Variants in PLEKHA6 observed in about 807,000 individuals in gnomAD.
PLEKHA6 encodes the protein pleckstrin homology domain containing A6.
A neutral mutation model predicts 116.7 loss-of-function variants in PLEKHA6; 60 were observed. That is an observed-to-expected ratio of 0.51 (90% CI 0.42 to 0.64). The LOEUF (loss-of-function observed/expected upper bound fraction) is 0.64, where lower values mean the gene tolerates loss of function less well. Ranked by LOEUF, PLEKHA6 falls within the 30% of genes least tolerant of loss-of-function variation. PLEKHA6 has a pLI of 0.00. For synonymous variants in PLEKHA6, 489 were observed against 556.1 expected (o/e 0.88, Z 1.70); for missense variants, 1,338 against 1,422.7 (o/e 0.94, Z 0.96).
chr1:204,305,485 GA>G (rs1427436444), intron 1 of PLEKHA6, among the ~76,000 whole-genome samples: 1 of 152,130 alleles, frequency 6.6e-6, no homozygotes, highest in African/African-American at 2.4e-5. Context: ...AGAGACCCTT[GA>G]AGGCAGATCC....
intron 1 of PLEKHA6, among the ~76,000 whole-genome samples, chr1:204,294,955 C>T (rs1229363959): frequency 6.6e-6 from 1 of 152,218 alleles, no homozygotes; most frequent in Non-Finnish European, 1.5e-5. Context: ...AAACCCCTCA[C>T]CACTTTGACA....
At chr1:204,236,520 C>T (rs748773710) in intron 17 of PLEKHA6, among the ~76,000 whole-genome samples, 1 of 152,112 alleles carries the variant, frequency 6.6e-6, no homozygotes, top group Non-Finnish European at 1.5e-5. Context: ...TCAGATCTAA[C>T]GGTGGGAACT....
chr1:204,279,213 G>A (rs1668339134), intron 1 of PLEKHA6, among the ~76,000 whole-genome samples: 1 of 152,186 alleles, frequency 6.6e-6, no homozygotes, highest in South Asian at 2.1e-4. Context: ...GCCTCCCACA[G>A]CCTTTGCTTA....
chr1:204,239,458 C>G lies in PLEKHA6; in HGVS notation c.2409+1917G>C, dbSNP rs1457331953. ...AGGTTTGTCCTCACTGGAATAGACA[C>G]TCACTCCAGATATGGGTTTGCCTAT... On this transcript the variant is annotated intron_variant, in intron 17 of 22. Coordinates refer to ENST00000272203, the MANE Select transcript of PLEKHA6 (RefSeq NM_014935.5). Among the ~76,000 whole-genome samples, 3 of 152,354 alleles carry G rather than the reference C, an allele frequency of 2.0e-5. No homozygotes were observed. In the East Asian group the frequency reaches 5.8e-4, roughly 29 times the overall value.
chr1:204,279,640 A>G (rs540122414), intron 1 of PLEKHA6, among the ~76,000 whole-genome samples: 14 of 152,286 alleles, frequency 9.2e-5, no homozygotes, highest in Admixed American at 2.0e-4. Flanking sequence ...TGTGCGGTGG[A>G]GGTAGAAACA....
Position 204,257,551 on chromosome 1 carries a change from G to A in PLEKHA6, c.1326C>T (p.Ser442=). The A allele has an allele frequency of 1.9e-6, 3 of 1,598,332 alleles. No homozygotes were observed. Among genetic ancestry groups the A allele is most frequent in the Non-Finnish European group, 2.6e-6 (3 of 1,171,514 alleles). ...GCTGCAGGGACAGGCGGCGCAGGGA[G>A]CTAGAGGCGGCATCCAGCTCATCAT... ...VYYDELDAAS[S]SLRRLSLQPR... Residue 442 remains serine, a synonymous_variant, in exon 9 of 23, where the codon AGC becomes AGT. Coordinates refer to ENST00000272203, the MANE Select transcript of PLEKHA6 (RefSeq NM_014935.5). The surrounding 1 kb of genome is among the most constrained non-coding windows in gnomAD (Gnocchi z 6.5).
At position 204,230,612 on chromosome 1, in the gene PLEKHA6, T is replaced by C. The variant is rs1487924318; in HGVS notation, c.2410-26A>G. The stretch of plus-strand genomic sequence containing the variant: ...CTGCTGCCATGGGAAAACAGGGCTC[T>C]GACAAGTGCCTTATCCCCCACCCAG... On this transcript the variant is annotated intron_variant, in intron 17 of 22. Coordinates refer to ENST00000272203, the MANE Select transcript of PLEKHA6 (RefSeq NM_014935.5). The C allele has an allele frequency of 3.8e-6, 6 of 1,576,410 alleles. No homozygotes were observed. The East Asian group carries it at 1.4e-4, about 36-fold the overall frequency.
intron 1 of PLEKHA6, among the ~76,000 whole-genome samples, chr1:204,285,437 G>C (rs766990621): frequency 1.4e-4 from 21 of 151,508 alleles, no homozygotes; most frequent in Non-Finnish European, 2.5e-4. Context: ...TGGGTTTTTT[G>C]TTGTTTTTGT....
intron 10 of PLEKHA6, 136 bp downstream of exon 10, chr1:204,250,410 A>G (rs1664375372): frequency 1.5e-6 from 1 of 677,548 alleles, no homozygotes; most frequent in Admixed American, 2.2e-5. Flanking sequence ...AAGGTATGAA[A>G]AGCCACCAGA....
intron 1 of PLEKHA6, among the ~76,000 whole-genome samples, chr1:204,319,995 C>T (rs1236274056): frequency 6.6e-6 from 1 of 152,146 alleles, no homozygotes; most frequent in Non-Finnish European, 1.5e-5. Flanking sequence ...GAACAGGCTG[C>T]CCTACTAGAG....
At position 204,222,584 on chromosome 1, in the gene PLEKHA6, G is replaced by A. The variant is rs887455110; in HGVS notation, c.*204C>T. The A allele has an allele frequency of 1.3e-5, 2 of 152,770 alleles. No individual in the cohort carries two copies. The highest frequency in any genetic ancestry group is 4.8e-5 in the African/African-American group (2 of 41,472). The allele number at this position is 152,770 out of a possible 1,614,324, so 9.5% of individuals were successfully genotyped here. The stretch of plus-strand genomic sequence containing the variant: ...AGTGATGGCTCCAGGGCTGGGCATG[G>A]TGGGTGTGTGGACACTGAGGTATCC... On this transcript the variant is annotated 3_prime_UTR_variant, in exon 23 of 23. Coordinates refer to ENST00000272203, the MANE Select transcript of PLEKHA6 (RefSeq NM_014935.5).
chr1:204,326,961 C>G lies in PLEKHA6; in HGVS notation c.-95+32733G>C, dbSNP rs111433833. 883 of 985,152 alleles carry G rather than the reference C, an allele frequency of 9.0e-4. 6 individuals are homozygous for G. In the African/African-American group the frequency reaches 0.015, roughly 16 times the overall value. 61.0% of individuals were successfully genotyped at this position (985,152 alleles called of 1,614,324 possible). ...CCTCCGCACTTAGGCAGGGAGTGGT[C>G]CAGGCAGAAGCGCGCTGGGTACGGC... is the stretch of plus-strand genomic sequence containing the variant. On this transcript the variant is annotated intron_variant, in intron 1 of 22. Coordinates refer to ENST00000272203, the MANE Select transcript of PLEKHA6 (RefSeq NM_014935.5).
chr1:204,225,090 G>A (rs962891460), intron 21 of PLEKHA6, among the ~76,000 whole-genome samples: 13 of 152,300 alleles, frequency 8.5e-5, no homozygotes, highest in Non-Finnish European at 5.9e-5. Context: ...CAGAGGAATT[G>A]GGAGGCCCAC....
At chr1:204,303,739 A>T (rs1301856524) in intron 1 of PLEKHA6, among the ~76,000 whole-genome samples, 1 of 152,140 alleles carries the variant, frequency 6.6e-6, no homozygotes, top group Non-Finnish European at 1.5e-5. Flanking sequence ...GTGAGACAAG[A>T]GTCTCACTCT....
intron 3 of PLEKHA6, among the ~76,000 whole-genome samples, chr1:204,365,495 A>T (rs1673630951): frequency 6.6e-6 from 1 of 152,172 alleles, no homozygotes; most frequent in Non-Finnish European, 1.5e-5. Flanking sequence ...GGAAAGGTTG[A>T]GGGTATCTCC....
At chr1:204,319,015 T>G (rs1377225152) in intron 1 of PLEKHA6, among the ~76,000 whole-genome samples, 1 of 152,226 alleles carries the variant, frequency 6.6e-6, no homozygotes, top group Admixed American at 6.5e-5. Context: ...GCTCTCCCAG[T>G]CTGCCCTTGC....
rs1319131759 is a variant in PLEKHA6 at position 204,221,399 on chromosome 1, T to G, written c.*1389A>C. On this transcript the variant is annotated 3_prime_UTR_variant, in exon 23 of 23. Coordinates refer to ENST00000272203, the MANE Select transcript of PLEKHA6 (RefSeq NM_014935.5). ...CGGTGTCTTCAGTTTCCCTCCTTCC[T>G]CCTCTCTGGCTACATTCGTCTCCAG... 1 of 152,630 alleles carries G rather than the reference T, an allele frequency of 6.6e-6. No individual in the cohort carries two copies. The highest frequency in any genetic ancestry group is 1.5e-5 in the Non-Finnish European group (1 of 68,038). 9.5% of individuals were successfully genotyped at this position (152,630 alleles called of 1,614,324 possible). A position where few individuals can be genotyped will look rare whatever the true frequency, so the allele number is the denominator to read the frequency against.
intron 21 of PLEKHA6, among the ~76,000 whole-genome samples, chr1:204,225,049 G>A (rs1660153582): frequency 6.6e-6 from 1 of 152,148 alleles, no homozygotes; most frequent in Non-Finnish European, 1.5e-5. Flanking sequence ...TCTAGCCCAG[G>A]GGAGATTAGA....
intron 8 of PLEKHA6, among the ~76,000 whole-genome samples, chr1:204,258,070 A>T (rs1665603360): frequency 6.6e-6 from 1 of 152,172 alleles, no homozygotes; most frequent in African/African-American, 2.4e-5. Flanking sequence ...TGGACACTGC[A>T]CCATTCAGAG....
Sources: gnomAD v4.1 joint callset for allele counts (sites outside exome capture counted in the v4.1 genomes callset) on GRCh38, gnomAD v4.1.1 for gene constraint, Gnocchi (gnomAD v3.1) non-coding constraint, MANE v1.5 for transcripts, NCBI Gene and HGNC (gene_info 2026-07-23, HGNC 2026-07-21) for gene names.